KCNK12: variants seen among roughly 807,000 people sequenced by gnomAD.
KCNK12 encodes potassium channel subfamily K member 12.
KCNK12 carries 6 observed loss-of-function variants against 25.3 expected under a neutral mutation model. The observed-to-expected ratio is 0.24, with a 90% CI of 0.13 to 0.47. KCNK12 has a LOEUF of 0.47. Among genes scored for constraint, KCNK12 ranks in the 20% least tolerant of loss-of-function variants. The pLI is 0.99. For synonymous variants in KCNK12, 331 were observed against 311.1 expected, an observed-to-expected ratio of 1.06 and a Z score of -0.67; for missense variants, 444 against 661.7, an observed-to-expected ratio of 0.67 and a Z score of 3.61.
rs952462132 is a variant in KCNK12 at position 47,509,323 on chromosome 2, C to T, written c.*11584G>A. Among the ~76,000 whole-genome samples the T allele has an allele frequency of 2.6e-5, 4 of 152,342 alleles. No homozygotes were observed. Among genetic ancestry groups the T allele is most frequent in the Admixed American group, 1.3e-4 (2 of 15,308 alleles). ...TGAGTGAAAAAGTTTTATTGCCAAA[C>T]AGGAAACCTGATTCAGGCCAGGGTC... On this transcript the variant is annotated 3_prime_UTR_variant, in exon 2 of 2. Coordinates refer to ENST00000327876, the MANE Select transcript of KCNK12 (RefSeq NM_022055.2).
intron 1 of KCNK12, among the ~76,000 whole-genome samples, chr2:47,559,880 A>G (rs1006677440): frequency 1.3e-5 from 2 of 152,196 alleles, no homozygotes; most frequent in Non-Finnish European, 1.5e-5. Context: ...AACAGGGAGG[A>G]AGGGAAGGGC....
chr2:47,532,159 A>G (rs1668946826), intron 1 of KCNK12, among the ~76,000 whole-genome samples: 1 of 152,016 alleles, frequency 6.6e-6, no homozygotes, highest in Non-Finnish European at 1.5e-5. Flanking sequence ...AACAAAACAG[A>G]CAACATTGAC....
In KCNK12 at chr2:47,560,996, G is replaced by A. The variant is rs115627482; in HGVS notation, c.391+8945C>T. On this transcript the variant is annotated intron_variant, in intron 1 of 1. Transcript: ENST00000327876. This position sits in a 1 kb window ranked among gnomAD's most constrained non-coding sequence, Gnocchi z 4.7. Reference sequence around the variant, plus strand: ...CTGGGGTGCAGGGAGCAGCAGCCTGGCACCCACACATGGGGCTATTTGCTG... The same window carrying A: ...CTGGGGTGCAGGGAGCAGCAGCCTGACACCCACACATGGGGCTATTTGCTG... Among the ~76,000 whole-genome samples the A allele has an allele frequency of 3.1e-3, 477 of 152,280 alleles. 1 individual carries two copies. The highest frequency in any genetic ancestry group is 5.5e-3 in the Non-Finnish European group (376 of 68,008).
intron 1 of KCNK12, among the ~76,000 whole-genome samples, chr2:47,544,189 C>T (rs1310926193): frequency 6.6e-6 from 1 of 152,228 alleles, no homozygotes; most frequent in African/African-American, 2.4e-5. Context: ...TCTTGTACTA[C>T]CCTGTGCCCC....
Position 47,520,890 on chromosome 2 carries a change from G to A in KCNK12, c.*17C>T, listed in dbSNP as rs539586269. 3 of 1,240,620 alleles carry A rather than the reference G, an allele frequency of 2.4e-6. No homozygotes were observed. The highest frequency in any genetic ancestry group is 1.5e-5 in the African/African-American group (1 of 64,570). The allele number at this position is 1,240,620 out of a possible 1,614,324, so 76.9% of individuals were successfully genotyped here. A position where few individuals can be genotyped will look rare whatever the true frequency, so the allele number is the denominator to read the frequency against. ...CCGCGGCCTGGAGAGGGTCCCCGGC[G>A]CGGGCGGACGGGCGGTCTACCTGGA... On this transcript the variant is annotated 3_prime_UTR_variant, in exon 2 of 2. Transcript: ENST00000327876. The surrounding 1 kb of genome is among the most constrained non-coding windows in gnomAD (Gnocchi z 5.0).
chr2:47,569,917 A>G lies in KCNK12; in HGVS notation c.391+24T>C. On this transcript the variant is annotated intron_variant, in intron 1 of 1. Coordinates refer to ENST00000327876, the MANE Select transcript of KCNK12 (RefSeq NM_022055.2). The surrounding 1 kb of genome is among the most constrained non-coding windows in gnomAD (Gnocchi z 4.1). ...CAGGTGAAAGGCACAGAGAGGAAAG[A>G]TGCGCGGGGGACGCGCCGCTCACCT... 2 of 1,335,002 alleles carry G rather than the reference A, an allele frequency of 1.5e-6. No individual in the cohort carries two copies. Among genetic ancestry groups the G allele is most frequent in the Non-Finnish European group, 1.9e-6 (2 of 1,035,920 alleles). The allele number at this position is 1,335,002 out of a possible 1,614,324, so 82.7% of individuals were successfully genotyped here. A position where few individuals can be genotyped will look rare whatever the true frequency, so the allele number is the denominator to read the frequency against.
In KCNK12 at chr2:47,512,128, C is replaced by T. The variant is rs1343664536; in HGVS notation, c.*8779G>A. On this transcript the variant is annotated 3_prime_UTR_variant, in exon 2 of 2. Transcript: ENST00000327876. Reference sequence around the variant, plus strand: ...GGCCAGTCCTTAGTGGAGGACATTTCTTTCCATCCTGCATCCAGATGGCTG... The same window carrying T: ...GGCCAGTCCTTAGTGGAGGACATTTTTTTCCATCCTGCATCCAGATGGCTG... Among the ~76,000 whole-genome samples the T allele has an allele frequency of 2.0e-5, 3 of 152,204 alleles. No individual in the cohort carries two copies. The highest frequency in any genetic ancestry group is 3.8e-4 in the East Asian group (2 of 5,198).
intron 1 of KCNK12, among the ~76,000 whole-genome samples, chr2:47,567,909 G>A (rs919699384): frequency 1.3e-5 from 2 of 152,198 alleles, no homozygotes; most frequent in African/African-American, 4.8e-5. Flanking sequence ...ACACTGACTT[G>A]ATTTTGTGTA....
rs1051860418 is a variant in KCNK12, at chr2:47,515,844, A to G, written c.*5063T>C. ...TGCAAAGCCAACCCAGGCAAAAGCA[A>G]TCTGCTGGAAGAACTTCATCCCCAG... On this transcript the variant is annotated 3_prime_UTR_variant, in exon 2 of 2. Coordinates refer to ENST00000327876, the MANE Select transcript of KCNK12 (RefSeq NM_022055.2). Among the ~76,000 whole-genome samples, 3 of 152,226 alleles carry G rather than the reference A, an allele frequency of 2.0e-5. No individual in the cohort carries two copies. Among genetic ancestry groups the G allele is most frequent in the African/African-American group, 4.8e-5 (2 of 41,460 alleles).
chr2:47,564,577 G>T, intron 1 of KCNK12: 1 of 195,616 alleles, frequency 5.1e-6, no homozygotes, highest in East Asian at 8.0e-5. Flanking sequence ...AAGCAGCTCA[G>T]TACACATCAG....
chr2:47,534,938 T>A (rs771829625), intron 1 of KCNK12: 66 of 220,906 alleles, frequency 3.0e-4, no homozygotes, highest in Non-Finnish European at 4.5e-5. Context: ...AAGTGGATAG[T>A]TCCAAGCCCT....
Position 47,553,415 on chromosome 2 carries a change from G to T in KCNK12, c.391+16526C>A, listed in dbSNP as rs117333299. Among the ~76,000 whole-genome samples the T allele has an allele frequency of 4.7e-4, 71 of 152,014 alleles. 1 individual carries two copies. The East Asian group carries it at 0.01, about 22-fold the overall frequency. ...TATAAGCTGTTTTTTTTGGTGGGGT[G>T]GGGGGGCACCCAGGATCTCACTCTG... is the stretch of plus-strand genomic sequence containing the variant. On this transcript the variant is annotated intron_variant, in intron 1 of 1. Coordinates refer to ENST00000327876, the MANE Select transcript of KCNK12 (RefSeq NM_022055.2).
rs1249592873 is a variant in KCNK12 at position 47,521,322 on chromosome 2, G to A, written c.878C>T (p.Ser293Leu). The A allele has an allele frequency of 6.2e-7, 1 of 1,613,436 alleles. No homozygotes were observed. The highest frequency in any genetic ancestry group is 8.5e-7 in the Non-Finnish European group (1 of 1,179,828). Reference protein sequence around the residue: ...FILLGVCCIYSLFNVISILIK... With the variant: ...FILLGVCCIYLLFNVISILIK... ...GAGGATGGAGATGACGTTGAAGAGC[G>A]AGTAAATGCAGCACACGCCGAGCAG... is the stretch of plus-strand genomic sequence containing the variant. The change falls in exon 2 of 2, where the codon TCG (serine) becomes TTG (leucine). Residue 293 changes from serine to leucine, a missense_variant. Physicochemically the swap from Ser to Leu is moderately radical, Grantham distance 145. Coordinates refer to ENST00000327876, the MANE Select transcript of KCNK12 (RefSeq NM_022055.2).
intron 1 of KCNK12, among the ~76,000 whole-genome samples, chr2:47,530,884 C>T (rs1668908385): frequency 6.6e-6 from 1 of 152,136 alleles, no homozygotes; most frequent in Admixed American, 6.5e-5. Context: ...AGTTCAGTAA[C>T]TTGCCCAAGA....
In KCNK12 at chr2:47,512,508, T is replaced by A; in HGVS notation, c.*8399A>T. 4.8e-6 allele frequency: 7 copies of A among 1,456,388 alleles called. No individual in the cohort carries two copies. In the South Asian group the frequency reaches 6.9e-5, roughly 14 times the overall value. The allele number at this position is 1,456,388 out of a possible 1,614,324, so 90.2% of individuals were successfully genotyped here. On this transcript the variant is annotated 3_prime_UTR_variant, in exon 2 of 2. Coordinates refer to ENST00000327876, the MANE Select transcript of KCNK12 (RefSeq NM_022055.2). ...AACATCCCTTCTGTAAACATTTCCC[T>A]CAAAATGGAGCAGGAAGCTCTCAAA...
At position 47,515,186 on chromosome 2, in the gene KCNK12, G is replaced by A. The variant is rs888165290; in HGVS notation, c.*5721C>T. On this transcript the variant is annotated 3_prime_UTR_variant, in exon 2 of 2. Transcript: ENST00000327876. Reference sequence around the variant, plus strand: ...GGGTGACGAGAAATCAGGCCTCTCCGCCACGGCAGCCTAGCTAATGGGTCT... The same window carrying A: ...GGGTGACGAGAAATCAGGCCTCTCCACCACGGCAGCCTAGCTAATGGGTCT... 3.3e-5 allele frequency among the ~76,000 whole-genome samples: 5 copies of A among 152,132 alleles called. No individual in the cohort carries two copies. The highest frequency in any genetic ancestry group is 5.9e-5 in the Non-Finnish European group (4 of 68,030).
At chr2:47,541,076 T>G (rs991680982) in intron 1 of KCNK12, among the ~76,000 whole-genome samples, 1 of 152,214 alleles carries the variant, frequency 6.6e-6, no homozygotes, top group African/African-American at 2.4e-5. Flanking sequence ...ATTGCCCAGT[T>G]TGAGTGTTCC....
chr2:47,552,166 T>C (rs1035412922), intron 1 of KCNK12, among the ~76,000 whole-genome samples: 17 of 152,160 alleles, frequency 1.1e-4, no homozygotes, highest in Admixed American at 9.8e-4. Flanking sequence ...AGAATGTAGA[T>C]GGAAGTGAAG....
chr2:47,570,951 C>G lies in KCNK12; in HGVS notation c.-620G>C, dbSNP rs950526607. The G allele has an allele frequency of 1.3e-5, 2 of 151,966 alleles. No homozygotes were observed. The highest frequency in any genetic ancestry group is 2.9e-5 in the Non-Finnish European group (2 of 68,038). The allele number at this position is 151,966 out of a possible 1,614,324, so 9.4% of individuals were successfully genotyped here. A position where few individuals can be genotyped will look rare whatever the true frequency, so the allele number is the denominator to read the frequency against. On this transcript the variant is annotated 5_prime_UTR_variant, in exon 1 of 2. Transcript: ENST00000327876. ...GAAGCGCTCCTTTCTCAGCTCCAGC[C>G]GAAGAGCCGCCCGGCAGGGAGAGGC... is the stretch of plus-strand genomic sequence containing the variant.
Sources: allele counts gnomAD v4.1 joint callset (sites outside exome capture counted in the v4.1 genomes callset), GRCh38; gene constraint gnomAD v4.1.1; non-coding constraint Gnocchi (gnomAD v3.1); transcripts MANE v1.5; gene names NCBI Gene and HGNC (gene_info 2026-07-23, HGNC 2026-07-21).